EHMT1: variants seen among roughly 807,000 people sequenced by gnomAD.
The protein encoded by EHMT1 is euchromatic histone lysine methyltransferase 1.
Under a neutral mutation model 147.2 loss-of-function variants are expected in EHMT1, and 15 were observed. The observed-to-expected ratio is 0.10, with a 90% CI of 0.07 to 0.16. EHMT1 has a LOEUF of 0.16. Ranked by LOEUF, EHMT1 falls within the 10% of genes least tolerant of loss-of-function variation. EHMT1 has a pLI of 1.00. For missense variants in EHMT1, 1,587 were observed against 1,772.4 expected, an observed-to-expected ratio of 0.90 and a Z score of 1.88; for synonymous variants, 795 against 709.6, an observed-to-expected ratio of 1.12 and a Z score of -1.91.
rs1006973682 is a variant in EHMT1 at position 137,835,015 on chromosome 9, G to A, written c.*62G>A. 4.8e-5 allele frequency: 65 copies of A among 1,353,426 alleles called. No homozygotes were observed. Among genetic ancestry groups the A allele is most frequent in the Non-Finnish European group, 6.0e-5 (64 of 1,058,522 alleles). 83.8% of individuals were successfully genotyped at this position (1,353,426 alleles called of 1,614,324 possible). A position where few individuals can be genotyped will look rare whatever the true frequency, so the allele number is the denominator to read the frequency against. On this transcript the variant is annotated 3_prime_UTR_variant, in exon 27 of 27. Coordinates refer to ENST00000460843, the MANE Select transcript of EHMT1 (RefSeq NM_024757.5). ...ACCGCCGCGTCGCCGATTAGAGGACGAGGAGGAGAGATTCCGCACGCAACC... is the reference window on the plus strand; with the variant it reads ...ACCGCCGCGTCGCCGATTAGAGGACAAGGAGGAGAGATTCCGCACGCAACC...
intron 1 of EHMT1, among the ~76,000 whole-genome samples, chr9:137,682,967 C>T (rs1170805081): frequency 3.9e-5 from 6 of 152,150 alleles, no homozygotes; most frequent in East Asian, 1.9e-4. Context: ...GAGAGTCAGG[C>T]GGAAGGGCCT....
At chr9:137,830,149 C>T (rs1472684535) in intron 25 of EHMT1, among the ~76,000 whole-genome samples, 1 of 151,380 alleles carries the variant, frequency 6.6e-6, no homozygotes, top group African/African-American at 2.4e-5. Flanking sequence ...CAGTTATAGC[C>T]ATTCTTATTT....
At chr9:137,635,097 A>G (rs936555602) in intron 1 of EHMT1, among the ~76,000 whole-genome samples, 12 of 151,684 alleles carry the variant, frequency 7.9e-5, no homozygotes, top group African/African-American at 2.7e-4. Context: ...CTTGAAAGGG[A>G]TTGTGTTGAA....
intron 25 of EHMT1, among the ~76,000 whole-genome samples, chr9:137,829,994 AC>A (rs1956080856): frequency 6.6e-6 from 1 of 152,164 alleles, no homozygotes; most frequent in African/African-American, 2.4e-5. Context: ...CTTTATTCTT[AC>A]CATTTAGTTA....
At position 137,716,634 on chromosome 9, in the gene EHMT1, A is replaced by G. The variant is rs762798813; in HGVS notation, c.94A>G (p.Met32Val). Residue 32 changes from methionine to valine, a missense_variant, in exon 3 of 27, where the codon ATG becomes GTG. Physicochemically the swap from Met to Val is conservative, Grantham distance 21. This residue lies in a region of EHMT1 where 810 missense variants were observed against 673.0 expected (regional missense o/e 1.20). Coordinates refer to ENST00000460843, the MANE Select transcript of EHMT1 (RefSeq NM_024757.5). Reference protein sequence around the residue: ...KTELLGEETPMAADEGSAEKQ... With the variant: ...KTELLGEETPVAADEGSAEKQ... Reference sequence around the variant, plus strand: ...CGTTTCTTTGTTGGCAGAGACACCTATGGCTGCCGATGAAGGCTCAGCAGA... The same window carrying G: ...CGTTTCTTTGTTGGCAGAGACACCTGTGGCTGCCGATGAAGGCTCAGCAGA... The G allele has an allele frequency of 1.3e-6, 2 of 1,567,456 alleles. No individual in the cohort carries two copies. The highest frequency in any genetic ancestry group is 1.2e-5 in the South Asian group (1 of 84,010).
chr9:137,711,732 G>A (rs138672188), intron 2 of EHMT1, among the ~76,000 whole-genome samples: 451 of 152,178 alleles, frequency 3.0e-3, no homozygotes, highest in African/African-American at 3.8e-3. Flanking sequence ...CACCAAGAGC[G>A]CCCCCAGGAA....
intron 10 of EHMT1, among the ~76,000 whole-genome samples, chr9:137,764,954 G>T (rs1950119644): frequency 6.6e-6 from 1 of 152,214 alleles, no homozygotes; most frequent in African/African-American, 2.4e-5. Flanking sequence ...TAGATTCAAA[G>T]ACTTGGTTTA....
chr9:137,732,886 G>C lies in EHMT1; in HGVS notation c.823+4357G>C, dbSNP rs1947237107. Reference sequence around the variant, plus strand: ...CTGAGATTTCTTGTCACGTCTTTCTGTTAATTTTTAATTACTGTGGCGATG... The same window carrying C: ...CTGAGATTTCTTGTCACGTCTTTCTCTTAATTTTTAATTACTGTGGCGATG... On this transcript the variant is annotated intron_variant, in intron 4 of 26. Coordinates refer to ENST00000460843, the MANE Select transcript of EHMT1 (RefSeq NM_024757.5). This position sits in a 1 kb window ranked among gnomAD's most constrained non-coding sequence, Gnocchi z 4.6. Among the ~76,000 whole-genome samples the C allele has an allele frequency of 6.6e-6, 1 of 152,118 alleles. No homozygotes were observed. Among genetic ancestry groups the C allele is most frequent in the Non-Finnish European group, 1.5e-5 (1 of 68,018 alleles).
At chr9:137,788,172 G>T (rs1159146579) in intron 15 of EHMT1, 2 of 747,230 alleles carry the variant, frequency 2.7e-6, no homozygotes, top group South Asian at 2.4e-5. Context: ...ACTGCACCCC[G>T]TACCTGCCTG....
At chr9:137,640,040 T>C (rs1215907618) in intron 1 of EHMT1, among the ~76,000 whole-genome samples, 2 of 152,040 alleles carry the variant, frequency 1.3e-5, no homozygotes, top group Non-Finnish European at 2.9e-5. Context: ...GTTCGAGTGA[T>C]TGTCCTGCCT....
intron 3 of EHMT1, among the ~76,000 whole-genome samples, chr9:137,722,107 A>C (rs1946117590): frequency 6.6e-6 from 1 of 152,168 alleles, no homozygotes. Flanking sequence ...CCCCAGTCAC[A>C]GTTTTAAAAC....
Position 137,731,095 on chromosome 9 carries a change from AAAC to A in EHMT1, c.823+2569_823+2571del, listed in dbSNP as rs1179970154. Among the ~76,000 whole-genome samples the A allele has an allele frequency of 1.3e-5, 2 of 152,172 alleles. No homozygotes were observed. The highest frequency in any genetic ancestry group is 2.9e-5 in the Non-Finnish European group (2 of 68,026). ...CCATCTTTTAAAAAGAGCTTTCTAA[AAAC>A]AAACTACCCAGCGTGTTTAGCAGGC... On this transcript the variant is annotated intron_variant, in intron 4 of 26. Coordinates refer to ENST00000460843, the MANE Select transcript of EHMT1 (RefSeq NM_024757.5). This position sits in a 1 kb window ranked among gnomAD's most constrained non-coding sequence, Gnocchi z 4.3.
rs1950858308 is a variant in EHMT1 at position 137,775,020 on chromosome 9, T to C, written c.1648-89T>C. ...TCAGCCCACACCTGCTGAGCAGCTC[T>C]TGTGTGCCTGCACTGCCCAGCGCCT... On this transcript the variant is annotated intron_variant, in intron 10 of 26. Coordinates refer to ENST00000460843, the MANE Select transcript of EHMT1 (RefSeq NM_024757.5). This position sits in a 1 kb window ranked among gnomAD's most constrained non-coding sequence, Gnocchi z 6.1. The C allele has an allele frequency of 6.3e-7, 1 of 1,586,602 alleles. No individual in the cohort carries two copies. The highest frequency in any genetic ancestry group is 8.6e-7 in the Non-Finnish European group (1 of 1,157,640).
intron 4 of EHMT1, among the ~76,000 whole-genome samples, chr9:137,739,210 A>G (rs1167851878): frequency 6.6e-6 from 1 of 151,976 alleles, no homozygotes; most frequent in Non-Finnish European, 1.5e-5. Context: ...TCTCTACTAA[A>G]AATAGAAAAA....
chr9:137,719,566 G>A (rs1945725394), intron 3 of EHMT1, among the ~76,000 whole-genome samples: 1 of 152,198 alleles, frequency 6.6e-6, no homozygotes, highest in Non-Finnish European at 1.5e-5. Context: ...TCTGTACATG[G>A]CAAAGCTTTA....
At chr9:137,648,307 A>G (rs912163947) in intron 1 of EHMT1, among the ~76,000 whole-genome samples, 1 of 152,176 alleles carries the variant, frequency 6.6e-6, no homozygotes, top group African/African-American at 2.4e-5. Flanking sequence ...AGTCAATGTT[A>G]AAACACAGAC....
chr9:137,673,128 C>T (rs1371003415), intron 1 of EHMT1, among the ~76,000 whole-genome samples: 1 of 152,156 alleles, frequency 6.6e-6, no homozygotes, highest in Non-Finnish European at 1.5e-5. Context: ...AAGAACCTTA[C>T]CTTCCTTTTG....
At chr9:137,627,909 C>G (rs1254394283) in intron 1 of EHMT1, among the ~76,000 whole-genome samples, 1 of 152,048 alleles carries the variant, frequency 6.6e-6, no homozygotes, top group Non-Finnish European at 1.5e-5. Flanking sequence ...GGAGTTTCGC[C>G]ATGTTGGCCA....
chr9:137,804,579 T>C (rs1208368007), intron 18 of EHMT1, among the ~76,000 whole-genome samples: 1 of 152,246 alleles, frequency 6.6e-6, no homozygotes, highest in Non-Finnish European at 1.5e-5. Context: ...TTATAAAGTT[T>C]GGTTTATCAA....
Sources: allele counts gnomAD v4.1 joint callset (sites outside exome capture counted in the v4.1 genomes callset), GRCh38; gene constraint gnomAD v4.1.1; regional missense constraint gnomAD v4.1.1; non-coding constraint Gnocchi (gnomAD v3.1); transcripts MANE v1.5; gene names NCBI Gene and HGNC (gene_info 2026-07-23, HGNC 2026-07-21).